The following USP15 variants were observed in gnomAD, a reference collection of about 807,000 sequenced individuals.
USP15 encodes ubiquitin carboxyl-terminal hydrolase 15.
A neutral mutation model predicts 127.1 loss-of-function variants in USP15; 18 were observed. That is an observed-to-expected ratio of 0.14 (90% CI 0.10 to 0.21). The LOEUF (loss-of-function observed/expected upper bound fraction) is 0.21, where lower values mean the gene tolerates loss of function less well. Among genes scored for constraint, USP15 ranks in the 10% least tolerant of loss-of-function variants. The pLI is 1.00. For synonymous variants in USP15, 364 were observed against 393.7 expected (o/e 0.92, Z 0.89); for missense variants, 805 against 1,159.9 (o/e 0.69, Z 4.44).
intron 15 of USP15, 62 bp from the exon 16 acceptor site, chr12:62,391,095 A>C: frequency 6.6e-7 from 1 of 1,503,972 alleles, no homozygotes; most frequent in Non-Finnish European, 8.9e-7. Flanking sequence ...AGGATTAATA[A>C]TATTAATAAT....
At position 62,404,340 on chromosome 12, in the gene USP15, G is replaced by T; in HGVS notation, c.2911G>T (p.Asp971Tyr). The T allele has an allele frequency of 6.2e-7, 1 of 1,611,860 alleles. No homozygotes were observed. The highest frequency in any genetic ancestry group is 1.3e-5 in the African/African-American group (1 of 74,904). ...SDEDSNDNDN[D>Y]IENENCMHTN is the part of the protein sequence containing the mutation. ...TGAAGATAGCAATGATAATGACAAT[G>T]ATATAGAAAATGAAAACTGTATGCA... The change falls in exon 22 of 22, where the codon GAT becomes TAT. Residue 971 changes from aspartate to tyrosine, a missense_variant. Coordinates refer to ENST00000280377, the MANE Select transcript of USP15 (RefSeq NM_001252078.2).
chr12:62,326,303 A>G (rs1030645460), intron 6 of USP15, among the ~76,000 whole-genome samples: 56 of 152,166 alleles, frequency 3.7e-4, no homozygotes, highest in African/African-American at 1.3e-3. Flanking sequence ...AAAGTAATAT[A>G]TTTATTCAAA....
At chr12:62,383,243 C>G (rs2067043332) in intron 9 of USP15, among the ~76,000 whole-genome samples, 1 of 151,830 alleles carries the variant, frequency 6.6e-6, no homozygotes, top group Non-Finnish European at 1.5e-5. Flanking sequence ...GGGTTTGATT[C>G]CTCCAAGCCT....
intron 1 of USP15, among the ~76,000 whole-genome samples, chr12:62,288,246 C>T (rs2063839084): frequency 6.6e-6 from 1 of 151,200 alleles, no homozygotes; most frequent in South Asian, 2.1e-4. Context: ...TGTTGTTCCA[C>T]TTATTTGTGT....
intron 6 of USP15, among the ~76,000 whole-genome samples, chr12:62,330,699 T>A (rs2065265403): frequency 6.7e-6 from 1 of 148,928 alleles, no homozygotes; most frequent in South Asian, 2.1e-4. Context: ...AATAGGAGTA[T>A]CACTTGAGCC....
At chr12:62,272,111 G>A (rs1203770892) in intron 1 of USP15, among the ~76,000 whole-genome samples, 1 of 151,466 alleles carries the variant, frequency 6.6e-6, no homozygotes, top group African/African-American at 2.4e-5. Context: ...GATGCTGCCA[G>A]TATCTCCTTA....
chr12:62,325,672 A>G (rs1157153902), intron 5 of USP15, among the ~76,000 whole-genome samples, 200 bp from the exon 6 acceptor site: 1 of 151,862 alleles, frequency 6.6e-6, no homozygotes, highest in African/African-American at 2.4e-5. Flanking sequence ...ATCATTACTG[A>G]TTTCTTGTTA....
At chr12:62,348,846 G>A (rs1331350019) in intron 6 of USP15, among the ~76,000 whole-genome samples, 8 of 152,064 alleles carry the variant, frequency 5.3e-5, no homozygotes, top group Non-Finnish European at 1.2e-4. Context: ...TAATTAGAAT[G>A]CCATGGTGTA....
intron 4 of USP15, among the ~76,000 whole-genome samples, chr12:62,318,815 A>C (rs537789075): frequency 6.6e-6 from 1 of 152,054 alleles, no homozygotes; most frequent in Admixed American, 6.6e-5. Context: ...TGCTCTTCCA[A>C]TTGCTTAGGC....
intron 8 of USP15, among the ~76,000 whole-genome samples, chr12:62,364,609 A>T (rs1157919487): frequency 1.3e-5 from 2 of 151,862 alleles, no homozygotes; most frequent in Non-Finnish European, 2.9e-5. Context: ...ATGTGCGCAA[A>T]ATGCAGTTTT....
chr12:62,335,564 A>G (rs2065436902), intron 6 of USP15: 1 of 1,041,800 alleles, frequency 9.6e-7, no homozygotes, highest in Non-Finnish European at 1.2e-6. Context: ...ATAAATGCCT[A>G]GCATAGTGCC....
At chr12:62,349,463 A>C (rs188663052) in intron 7 of USP15, among the ~76,000 whole-genome samples, 156 bp downstream of exon 7, 22 of 152,184 alleles carry the variant, frequency 1.4e-4, no homozygotes, top group Admixed American at 1.4e-3. Context: ...TAACAACAAA[A>C]AAGAAAGCAA....
chr12:62,354,824 A>G (rs1039734893), intron 7 of USP15, among the ~76,000 whole-genome samples: 1 of 151,980 alleles, frequency 6.6e-6, no homozygotes, highest in African/African-American at 2.4e-5. Flanking sequence ...CATAGAAACT[A>G]TAAATGGAAT....
At chr12:62,367,362 G>A (rs2137506427) in intron 8 of USP15, among the ~76,000 whole-genome samples, 1 of 152,196 alleles carries the variant, frequency 6.6e-6, no homozygotes, top group South Asian at 2.1e-4. Context: ...CTCCCGAGTA[G>A]CTGGGACTCC....
chr12:62,280,954 C>G (rs17716130), intron 1 of USP15, among the ~76,000 whole-genome samples: 12,960 of 152,178 alleles, frequency 0.085, 633 homozygotes, highest in Middle Eastern at 0.16. Flanking sequence ...ACTTTAAGTC[C>G]ATAAAAGAAA....
intron 11 of USP15, among the ~76,000 whole-genome samples, chr12:62,387,218 G>A (rs1202849562): frequency 4.6e-5 from 7 of 152,152 alleles, no homozygotes; most frequent in Non-Finnish European, 1.0e-4. Context: ...CTATAAATTG[G>A]ACAATCAGCT....
At chr12:62,262,641 G>A (rs1028215838) in intron 1 of USP15, among the ~76,000 whole-genome samples, 2 of 152,072 alleles carry the variant, frequency 1.3e-5, no homozygotes, top group Admixed American at 1.3e-4. Context: ...CAAAATTAAT[G>A]TAAATTGTTT....
intron 8 of USP15, among the ~76,000 whole-genome samples, chr12:62,367,532 T>G (rs2137507308): frequency 6.6e-6 from 1 of 152,334 alleles, no homozygotes; most frequent in Non-Finnish European, 1.5e-5. Flanking sequence ...GGATTTGACT[T>G]CTTCCTGGTT....
intron 8 of USP15, among the ~76,000 whole-genome samples, chr12:62,379,205 A>AAG (rs1456700798): frequency 6.6e-6 from 1 of 151,600 alleles, no homozygotes. Flanking sequence ...TAAGGCCAAA[A>AAG]AAAAAAAAAA....
Sources: allele counts gnomAD v4.1 joint callset (sites outside exome capture counted in the v4.1 genomes callset), GRCh38; gene constraint gnomAD v4.1.1; transcripts MANE v1.5; gene names NCBI Gene and HGNC (gene_info 2026-07-23, HGNC 2026-07-21).